Variants in OPCML observed in about 807,000 individuals in gnomAD.
OPCML encodes the protein opioid binding protein/cell adhesion molecule like.
A neutral mutation model predicts 37.8 loss-of-function variants in OPCML; 13 were observed. The ratio of observed to expected loss-of-function variants is 0.34; its 90% CI spans 0.22 to 0.55. The LOEUF (loss-of-function observed/expected upper bound fraction) is 0.55. Ranked by LOEUF, OPCML falls within the 20% of genes least tolerant of loss-of-function variation. OPCML has a pLI of 0.91. For missense variants in OPCML, 341 were observed against 435.6 expected, an observed-to-expected ratio of 0.78 and a Z score of 1.93; for synonymous variants, 176 against 168.8, an observed-to-expected ratio of 1.04 and a Z score of -0.33.
chr11:132,910,993 A>G lies in OPCML; in HGVS notation c.146+31933T>C, dbSNP rs147002087. 6.7e-3 allele frequency among the ~76,000 whole-genome samples: 1,018 copies of G among 152,326 alleles called. 9 individuals carry two copies. The highest frequency in any genetic ancestry group is 0.023 in the African/African-American group (960 of 41,576). On this transcript the variant is annotated intron_variant, in intron 2 of 7. Transcript: ENST00000524381. ...TGGAGATCATTTAGCACAAATCTCT[A>G]ATTTATAAGATGCAGAGATTAAAAC... is the stretch of plus-strand genomic sequence containing the variant.
At chr11:132,806,487 G>C (rs762812278) in intron 2 of OPCML, among the ~76,000 whole-genome samples, 33 of 152,142 alleles carry the variant, frequency 2.2e-4, no homozygotes, top group Admixed American at 1.5e-3. Context: ...GTAGAAATCA[G>C]GAAAAAGTAT....
chr11:133,328,822 G>C (rs868283638), intron 1 of OPCML, among the ~76,000 whole-genome samples: 1 of 152,174 alleles, frequency 6.6e-6, no homozygotes, highest in Non-Finnish European at 1.5e-5. Context: ...AGTGTCGGAA[G>C]TTCTGGCCAG....
intron 2 of OPCML, among the ~76,000 whole-genome samples, chr11:132,907,546 G>A (rs773049749): frequency 1.3e-5 from 2 of 151,592 alleles, no homozygotes; most frequent in East Asian, 1.9e-4. Context: ...CAGGAGAATC[G>A]CTTGAACCTG....
At chr11:133,120,237 T>TACACACACGCACAC (rs1555097946) in intron 1 of OPCML, among the ~76,000 whole-genome samples, 1 of 152,176 alleles carries the variant, frequency 6.6e-6, no homozygotes, top group Non-Finnish European at 1.5e-5. Context: ...CAAACACACA[T>TACACACACGCACAC]ACACACACGC....
chr11:132,500,241 T>C (rs1024702233), intron 4 of OPCML, among the ~76,000 whole-genome samples: 2 of 152,202 alleles, frequency 1.3e-5, no homozygotes, highest in South Asian at 4.1e-4. Context: ...AGAGTTAGTA[T>C]TTATCAATCA....
chr11:132,963,135 C>T (rs1946128967), intron 1 of OPCML, among the ~76,000 whole-genome samples: 1 of 152,146 alleles, frequency 6.6e-6, no homozygotes, highest in Admixed American at 6.5e-5. Flanking sequence ...TTGAAAATCA[C>T]CGTGTCATAG....
At chr11:133,124,173 G>GAA (rs11365049) in intron 1 of OPCML, among the ~76,000 whole-genome samples, 4 of 149,780 alleles carry the variant, frequency 2.7e-5, no homozygotes, top group African/African-American at 4.9e-5. Flanking sequence ...AGGAAATTTA[G>GAA]AAAAAAAAAA....
chr11:132,957,974 G>A (rs900462711), intron 1 of OPCML, among the ~76,000 whole-genome samples: 2 of 152,136 alleles, frequency 1.3e-5, no homozygotes, highest in Admixed American at 1.3e-4. Context: ...TCAAATGAAA[G>A]GAAGAGTTGC....
chr11:132,435,787 A>G (rs1425059615), intron 7 of OPCML, among the ~76,000 whole-genome samples: 3 of 152,204 alleles, frequency 2.0e-5, no homozygotes. Context: ...TACACAGTTG[A>G]ATTGACCCAT....
At chr11:133,283,373 C>A (rs539885526) in intron 1 of OPCML, among the ~76,000 whole-genome samples, 2 of 151,654 alleles carry the variant, frequency 1.3e-5, no homozygotes, top group East Asian at 1.9e-4. Context: ...GCACCTCCCC[C>A]ACCCCTTGTT....
intron 1 of OPCML, among the ~76,000 whole-genome samples, chr11:133,238,937 G>A (rs902462399): frequency 6.6e-6 from 1 of 152,194 alleles, no homozygotes; most frequent in African/African-American, 2.4e-5. Context: ...TTACTCTAAC[G>A]TTAATTGTGC....
chr11:132,600,392 C>A (rs1178833500), intron 3 of OPCML, among the ~76,000 whole-genome samples: 1 of 152,142 alleles, frequency 6.6e-6, no homozygotes, highest in Non-Finnish European at 1.5e-5. Context: ...TACGAAGGGA[C>A]CAAAGGCCAG....
chr11:133,494,840 G>T (rs1947747149), intron 1 of OPCML, among the ~76,000 whole-genome samples: 1 of 151,328 alleles, frequency 6.6e-6, no homozygotes, highest in Admixed American at 6.6e-5. Flanking sequence ...CCTGCACATT[G>T]TGCACATGTA....
At chr11:133,376,895 A>G (rs1404120241) in intron 1 of OPCML, among the ~76,000 whole-genome samples, 1 of 152,252 alleles carries the variant, frequency 6.6e-6, no homozygotes, top group Non-Finnish European at 1.5e-5. Context: ...AACCCAGTAC[A>G]GGATTCCCTC....
Position 132,529,104 on chromosome 11 carries a change from G to A in OPCML, c.462C>T (p.Gly154=). 6.2e-7 allele frequency: 1 copy of A among 1,613,354 alleles called. No homozygotes were observed. The change falls in exon 4 of 8, where the codon GGC becomes GGT. Residue 154 remains glycine, a synonymous_variant. Coordinates refer to ENST00000524381, the MANE Select transcript of OPCML (RefSeq NM_001012393.5). ...TCCATGTCACAGTTGGCTCTGGTCT[G>A]CCAATAGCAAGACACAGCAGGGTCA... ...SSVTLLCLAI[G]RPEPTVTWRH... is the part of the protein sequence containing the mutation.
intron 1 of OPCML, among the ~76,000 whole-genome samples, chr11:132,990,011 G>T (rs1388471653): frequency 6.6e-6 from 1 of 152,134 alleles, no homozygotes; most frequent in Non-Finnish European, 1.5e-5. Context: ...GGATTAGAAG[G>T]GCTGAAGTTC....
At chr11:132,467,052 A>G (rs1415618689) in intron 4 of OPCML, among the ~76,000 whole-genome samples, 1 of 152,190 alleles carries the variant, frequency 6.6e-6, no homozygotes, top group African/African-American at 2.4e-5. Context: ...AAAGGATAAT[A>G]AAATCGAGCT....
chr11:133,383,275 C>G (rs1944970741), intron 1 of OPCML, among the ~76,000 whole-genome samples: 1 of 152,144 alleles, frequency 6.6e-6, no homozygotes, highest in South Asian at 2.1e-4. Flanking sequence ...TCCTCGATCC[C>G]CATTATTCCA....
intron 2 of OPCML, among the ~76,000 whole-genome samples, chr11:132,924,907 G>A (rs967282747): frequency 3.9e-5 from 6 of 152,044 alleles, no homozygotes; most frequent in South Asian, 2.1e-4. Context: ...TTACACATAC[G>A]TTGCATCTTC....
Sources: gnomAD v4.1 joint callset for allele counts (sites outside exome capture counted in the v4.1 genomes callset) on GRCh38, gnomAD v4.1.1 for gene constraint, MANE v1.5 for transcripts, NCBI Gene and HGNC (gene_info 2026-07-23, HGNC 2026-07-21) for gene names.